Variants in ABCA7 observed in about 807,000 individuals in gnomAD.
ABCA7 encodes the protein ATP binding cassette subfamily A member 7, also known as phospholipid-transporting ATPase ABCA7.
Under a neutral mutation model 227.6 loss-of-function variants are expected in ABCA7, and 261 were observed. That is an observed-to-expected ratio of 1.15 (90% CI 1.04 to 1.27). The LOEUF (loss-of-function observed/expected upper bound fraction) is 1.27. Among genes scored for constraint, ABCA7 ranks in the 50% most tolerant of loss-of-function variants. ABCA7 has a pLI of 0.00. For synonymous variants in ABCA7, 1,488 were observed against 1,279.7 expected, an observed-to-expected ratio of 1.16 and a Z score of -3.47; for missense variants, 3,331 against 2,924.5, an observed-to-expected ratio of 1.14 and a Z score of -3.21.
At chr19:1,057,558 G>C in intron 35 of ABCA7, 129 bp downstream of exon 35, 6 of 952,406 alleles carry the variant, frequency 6.3e-6, no homozygotes, top group Non-Finnish European at 9.7e-6. Flanking sequence ...GATGCCGTGT[G>C]TGATCCAATT....
At position 1,043,792 on chromosome 19, in the gene ABCA7, C is replaced by A; in HGVS notation, c.998C>A (p.Pro333His). 1.2e-6 allele frequency: 2 copies of A among 1,613,184 alleles called. No homozygotes were observed. The highest frequency in any genetic ancestry group is 1.7e-6 in the Non-Finnish European group (2 of 1,179,964). ...DVREVWEMLG[P>H]RIFTFMNDSS... ...CGGGAGGTGTGGGAGATGCTGGGAC[C>A]CCGGATCTTCACCTTCATGAACGAC... Residue 333 changes from proline to histidine, a missense_variant, in exon 10 of 47, where the codon CCC (proline) becomes CAC (histidine). Transcript: ENST00000263094.
rs1231764880 is a variant in ABCA7, at chr19:1,046,747, G to A, written c.1623-55G>A. 28 of 1,488,728 alleles carry A rather than the reference G, an allele frequency of 1.9e-5. No individual in the cohort carries two copies. In the Admixed American group the frequency reaches 3.6e-4, roughly 19 times the overall value. The allele number at this position is 1,488,728 out of a possible 1,614,324, so 92.2% of individuals were successfully genotyped here. On this transcript the variant is annotated intron_variant, in intron 13 of 46. Coordinates refer to ENST00000263094, the MANE Select transcript of ABCA7 (RefSeq NM_019112.4). Reference sequence around the variant, plus strand: ...GAACCAGTCGTGCCAGATGGTGGGCGGAGGGGGGGTCTGCGGAGGGTCTCC... The same window carrying A: ...GAACCAGTCGTGCCAGATGGTGGGCAGAGGGGGGGTCTGCGGAGGGTCTCC...
Position 1,063,718 on chromosome 19 carries a change from C to G in ABCA7, c.5847+40C>G, listed in dbSNP as rs2042840484. Reference sequence around the variant, plus strand: ...TGCCTGGGTGGGGTGGGGCCTGCGACGGAGGCGGGGCCTTGCTTATGGGAT... The same window carrying G: ...TGCCTGGGTGGGGTGGGGCCTGCGAGGGAGGCGGGGCCTTGCTTATGGGAT... On this transcript the variant is annotated intron_variant, in intron 43 of 46. Transcript: ENST00000263094. The G allele has an allele frequency of 5.1e-6, 8 of 1,554,136 alleles. No individual in the cohort carries two copies. The East Asian group carries it at 1.9e-4, about 37-fold the overall frequency.
intron 24 of ABCA7, 101 bp downstream of exon 24, chr19:1,053,632 A>G: frequency 6.6e-7 from 1 of 1,517,560 alleles, no homozygotes; most frequent in Non-Finnish European, 8.9e-7. Flanking sequence ...CAGCAAGGAC[A>G]TTCAGGGAGG....
Position 1,058,374 on chromosome 19 carries a change from A to G in ABCA7, c.5149+105A>G, listed in dbSNP as rs1268971461. On this transcript the variant is annotated intron_variant, in intron 37 of 46. Transcript: ENST00000263094. ...GAGAAAAACAGCCCCCCAGGGAGACAGCCAGGGTTCTTAGGTGGCCCTAAG... is the reference window on the plus strand; with the variant it reads ...GAGAAAAACAGCCCCCCAGGGAGACGGCCAGGGTTCTTAGGTGGCCCTAAG... 6 of 1,507,692 alleles carry G rather than the reference A, an allele frequency of 4.0e-6. No individual in the cohort carries two copies. The African/African-American group carries it at 7.0e-5, about 18-fold the overall frequency. 93.4% of individuals were successfully genotyped at this position (1,507,692 alleles called of 1,614,324 possible). A position where few individuals can be genotyped will look rare whatever the true frequency, so the allele number is the denominator to read the frequency against.
rs749959049 is a variant in ABCA7 at position 1,043,456 on chromosome 19, C to A, written c.913C>A (p.Arg305=). Reference sequence around the variant, plus strand: ...CTTTGCACCAGATACACCTTTTACCCGGAAGCTCATGGCCCAGGTGGGGGC... The same window carrying A: ...CTTTGCACCAGATACACCTTTTACCAGGAAGCTCATGGCCCAGGTGGGGGC... ...LLFAPDTPFT[R]KLMAQVNRTF... Residue 305 remains arginine, a synonymous_variant, in exon 9 of 47, where the codon CGG becomes AGG. Coordinates refer to ENST00000263094, the MANE Select transcript of ABCA7 (RefSeq NM_019112.4). 7 of 1,613,142 alleles carry A rather than the reference C, an allele frequency of 4.3e-6. No homozygotes were observed. The South Asian group carries it at 4.4e-5, about 10-fold the overall frequency.
rs1205880198 is a variant in ABCA7 at position 1,063,748 on chromosome 19, C to G, written c.5848-12C>G. The G allele has an allele frequency of 6.5e-7, 1 of 1,548,452 alleles. No individual in the cohort carries two copies. Among genetic ancestry groups the G allele is most frequent in the Non-Finnish European group, 8.7e-7 (1 of 1,146,860 alleles). Reference sequence around the variant, plus strand: ...GCGGGGCCTTGCTTATGGGATCTTCCGTGCTCCCCAGGACGAGCCGACCAC... The same window carrying G: ...GCGGGGCCTTGCTTATGGGATCTTCGGTGCTCCCCAGGACGAGCCGACCAC... On this transcript the variant is annotated splice_polypyrimidine_tract_variant and intron_variant, in intron 43 of 46. Coordinates refer to ENST00000263094, the MANE Select transcript of ABCA7 (RefSeq NM_019112.4).
chr19:1,046,872 A>T lies in ABCA7; in HGVS notation c.1693A>T (p.Thr565Ser), dbSNP rs1010673566. 4 of 1,545,838 alleles carry T rather than the reference A, an allele frequency of 2.6e-6. No homozygotes were observed. The highest frequency in any genetic ancestry group is 3.9e-5 in the Admixed American group (2 of 51,232). The part of the protein sequence containing the change: ...TLAWIYSVTL[T>S]VKAVVREKET... ...GGCCTGGATCTACTCCGTGACACTGACAGTGAAGGCCGTGGTGCGGGAGAA... is the reference window on the plus strand; with the variant it reads ...GGCCTGGATCTACTCCGTGACACTGTCAGTGAAGGCCGTGGTGCGGGAGAA... Residue 565 changes from threonine to serine, a missense_variant, in exon 14 of 47, where the codon ACA (threonine) becomes TCA (serine). Physicochemically the swap from Thr to Ser is moderately conservative, Grantham distance 58 (BLOSUM62 1). Transcript: ENST00000263094.
intron 40 of ABCA7, among the ~76,000 whole-genome samples, chr19:1,060,209 T>A (rs905150): frequency 0.28 from 9,428 of 33,820 alleles, 686 homozygotes; most frequent in East Asian, 0.6. Flanking sequence ...ATATATATAT[T>A]TTTTTTTCTT....
intron 24 of ABCA7, 86 bp downstream of exon 24, chr19:1,053,617 A>G: frequency 2.6e-6 from 4 of 1,523,736 alleles, no homozygotes; most frequent in Non-Finnish European, 3.5e-6. Flanking sequence ...TAGCGTGTTT[A>G]TGAGCAGCAA....
In ABCA7 at chr19:1,046,315, G is replaced by T. The variant is rs374932832; in HGVS notation, c.1531G>T (p.Glu511Ter). Residue 511 changes from glutamate (E) to a stop codon, truncating the protein, a stop_gained, in exon 13 of 47, where the codon GAG becomes TAG. Coordinates refer to ENST00000263094, the MANE Select transcript of ABCA7 (RefSeq NM_019112.4). LOFTEE classifies it high-confidence loss of function. ...GGFVYLQDLV[E>*]RAAVRVLSGA... is the part of the protein sequence containing the mutation. The stretch of plus-strand genomic sequence containing the variant: ...CTTCGTGTACCTGCAAGACCTGGTG[G>T]AGCGTGCAGCCGTCCGCGTGCTCAG... 48 of 1,604,742 alleles carry T rather than the reference G, an allele frequency of 3.0e-5. No homozygotes were observed. In the African/African-American group the frequency reaches 5.6e-4, roughly 19 times the overall value.
chr19:1,043,677 G>A (rs779866979), intron 9 of ABCA7, 48 bp from the exon 10 acceptor site: 4 of 1,583,504 alleles, frequency 2.5e-6, no homozygotes, highest in Non-Finnish European at 2.6e-6. Flanking sequence ...GTGGGCAGGG[G>A]TCCTCAGAGG....
At position 1,054,091 on chromosome 19, in the gene ABCA7, G is replaced by A. The variant is rs756378721; in HGVS notation, c.3558G>A (p.Ala1186=). 13 of 1,613,156 alleles carry A rather than the reference G, an allele frequency of 8.1e-6. No homozygotes were observed. Among genetic ancestry groups the A allele is most frequent in the East Asian group, 2.2e-5 (1 of 44,884 alleles). ...TCAAGATGCCGCCACAGGAGACAGC[G>A]CTGGAGAACGGGGAACCAGGTAAGT... is the stretch of plus-strand genomic sequence containing the variant. ...LRLKMPPQET[A]LENGEPAGSA... Residue 1186 remains alanine, a synonymous_variant, in exon 26 of 47, where the codon GCG becomes GCA. Transcript: ENST00000263094. This position sits in a 1 kb window ranked among gnomAD's most constrained non-coding sequence, Gnocchi z 4.8.
chr19:1,049,138 C>T, intron 17 of ABCA7, 128 bp from the exon 18 acceptor site: 1 of 1,153,888 alleles, frequency 8.7e-7, no homozygotes, highest in South Asian at 1.5e-5. Context: ...ACACTGCGGT[C>T]CCCAAGCTCC....
At chr19:1,045,789 AG>A (rs2040577279) in intron 12 of ABCA7, among the ~76,000 whole-genome samples, 1 of 151,900 alleles carries the variant, frequency 6.6e-6, no homozygotes, top group African/African-American at 2.4e-5. Flanking sequence ...TCACGAGGTC[AG>A]GAGATCAAGA....
chr19:1,062,888 G>T (rs181691825), intron 42 of ABCA7, among the ~76,000 whole-genome samples: 1 of 147,608 alleles, frequency 6.8e-6, no homozygotes, highest in East Asian at 2.0e-4. Flanking sequence ...CCATACTCAT[G>T]CTGGCTCCAC....
chr19:1,048,566 T>C (rs2144758409), intron 16 of ABCA7, among the ~76,000 whole-genome samples: 1 of 149,198 alleles, frequency 6.7e-6, no homozygotes, highest in East Asian at 2.0e-4. Context: ...TCCCAGCACT[T>C]TGGGAGGCCG....
At chr19:1,055,648 A>G (rs2042186511) in intron 30 of ABCA7, among the ~76,000 whole-genome samples, 1 of 151,692 alleles carries the variant, frequency 6.6e-6, no homozygotes, top group African/African-American at 2.4e-5. Flanking sequence ...GATTACAGGC[A>G]CGCACCACCA....
In ABCA7 at chr19:1,053,984, C is replaced by G. The variant is rs749254995; in HGVS notation, c.3473-22C>G. 9 of 1,612,666 alleles carry G rather than the reference C, an allele frequency of 5.6e-6. No homozygotes were observed. The South Asian group carries it at 8.8e-5, about 16-fold the overall frequency. ...CAATCCGTGACCCTCAACTTTGACC[C>G]TGACCCCTGATGGCCCTGCAGATGG... On this transcript the variant is annotated intron_variant, in intron 25 of 46. Transcript: ENST00000263094.
Sources: gnomAD v4.1 joint callset for allele counts (sites outside exome capture counted in the v4.1 genomes callset) on GRCh38, gnomAD v4.1.1 for gene constraint, Gnocchi (gnomAD v3.1) non-coding constraint, MANE v1.5 for transcripts, NCBI Gene and HGNC (gene_info 2026-07-23, HGNC 2026-07-21) for gene names.